Variants in HERC1 observed in about 807,000 individuals in gnomAD.
HERC1 encodes probable E3 ubiquitin-protein ligase HERC1.
A neutral mutation model predicts 554.3 loss-of-function variants in HERC1; 160 were observed. The observed-to-expected ratio is 0.29, with a 90% CI of 0.25 to 0.33. The LOEUF is 0.33. HERC1 is among the 10% of genes least tolerant of loss of function. The pLI, the probability that HERC1 is intolerant of heterozygous loss-of-function variation, is 1.00. For missense variants in HERC1, 4,919 were observed against 5,918.5 expected (o/e 0.83, Z 5.54); for synonymous variants, 2,175 against 2,131.7 (o/e 1.02, Z -0.56).
chr15:63,663,008 T>C lies in HERC1; in HGVS notation c.8877A>G (p.Pro2959=), dbSNP rs2070435959. The C allele has an allele frequency of 1.2e-6, 2 of 1,613,992 alleles. No individual in the cohort carries two copies. The highest frequency in any genetic ancestry group is 8.5e-7 in the Non-Finnish European group (1 of 1,179,868). The change falls in exon 44 of 78, where the codon CCA becomes CCG. Residue 2959 remains proline, a synonymous_variant. Coordinates refer to ENST00000443617, the MANE Select transcript of HERC1 (RefSeq NM_003922.4). ...SDNDILGMWI[P]EVLDWPTWHV... ...CCCAGGTAGGCCAATCCAGTACCTC[T>C]GGGATCCACATTCCCAGAATATCAT...
chr15:63,756,718 T>C lies in HERC1; in HGVS notation c.1252A>G (p.Ile418Val). The C allele has an allele frequency of 1.2e-6, 2 of 1,610,928 alleles. No homozygotes were observed. Among genetic ancestry groups the C allele is most frequent in the Non-Finnish European group, 1.7e-6 (2 of 1,178,642 alleles). The change falls in exon 5 of 78, where the codon ATT becomes GTT. Residue 418 changes from isoleucine (I) to valine (V), a missense_variant. Ile to Val is a conservative substitution (Grantham distance 29, BLOSUM62 3). This residue lies in a region of HERC1 where 744 missense variants were observed against 1,090.0 expected (regional missense o/e 0.68). Coordinates refer to ENST00000443617, the MANE Select transcript of HERC1 (RefSeq NM_003922.4). The surrounding 1 kb of genome is among the most constrained non-coding windows in gnomAD (Gnocchi z 5.0). ...IEAGQYCTFV[I>V]STDGSVRACG... is the part of the protein sequence containing the mutation. ...GCTCTAACAGAGCCATCCGTAGAAA[T>C]GACAAAAGTGCAGTACTGTCCAGCT...
At chr15:63,759,230 T>C (rs572807794) in intron 3 of HERC1, among the ~76,000 whole-genome samples, 4 of 152,296 alleles carry the variant, frequency 2.6e-5, no homozygotes, top group African/African-American at 9.6e-5. Flanking sequence ...GTGCTATTAA[T>C]ACATCACCAG....
At chr15:63,714,672 C>T (rs2073465144) in intron 22 of HERC1, among the ~76,000 whole-genome samples, 1 of 151,258 alleles carries the variant, frequency 6.6e-6, no homozygotes, top group Non-Finnish European at 1.5e-5. Flanking sequence ...CCTCAGCCTC[C>T]TGAGTAGCTG....
At chr15:63,722,848 T>C (rs1012040810) in intron 19 of HERC1, among the ~76,000 whole-genome samples, 3 of 152,206 alleles carry the variant, frequency 2.0e-5, no homozygotes, top group African/African-American at 7.2e-5. Flanking sequence ...GGTACGGTAC[T>C]ACCTGTGGTT....
Position 63,749,217 on chromosome 15 carries a change from T to A in HERC1, c.2219+150A>T. 1 of 588,850 alleles carries A rather than the reference T, an allele frequency of 1.7e-6. No individual in the cohort carries two copies. Among genetic ancestry groups the A allele is most frequent in the Non-Finnish European group, 2.8e-6 (1 of 358,884 alleles). The allele number at this position is 588,850 out of a possible 1,614,324, so 36.5% of individuals were successfully genotyped here. On this transcript the variant is annotated intron_variant, in intron 10 of 77. Transcript: ENST00000443617. This position sits in a 1 kb window ranked among gnomAD's most constrained non-coding sequence, Gnocchi z 4.1. ...TCAAATAAAAAGAAATCTAATGTCA[T>A]TTCTATGATAGAGAAAAAGCAATAC...
intron 1 of HERC1, among the ~76,000 whole-genome samples, chr15:63,778,663 A>G (rs867737565): frequency 6.6e-6 from 1 of 152,224 alleles, no homozygotes; most frequent in Non-Finnish European, 1.5e-5. Context: ...GGACTTTGCT[A>G]TATTGACTGA....
chr15:63,625,076 C>T (rs1445410839), intron 71 of HERC1, among the ~76,000 whole-genome samples: 1 of 152,186 alleles, frequency 6.6e-6, no homozygotes, highest in African/African-American at 2.4e-5. Context: ...CTGCACAGGA[C>T]TCTGCTGCCT....
chr15:63,701,538 T>C (rs1178919139), intron 25 of HERC1, among the ~76,000 whole-genome samples: 1 of 152,232 alleles, frequency 6.6e-6, no homozygotes, highest in African/African-American at 2.4e-5. Context: ...TGTTGTAGTA[T>C]GAAAGCAACC....
At chr15:63,624,469 G>A in intron 71 of HERC1, 142 bp from the exon 72 acceptor site, 1 of 684,220 alleles carries the variant, frequency 1.5e-6, no homozygotes. Context: ...GGCTGTGGTG[G>A]GCGGATCGCT....
Position 63,723,280 on chromosome 15 carries a change from C to T in HERC1, c.3644G>A (p.Arg1215Gln), listed in dbSNP as rs202041791. 6.3e-6 allele frequency: 10 copies of T among 1,597,798 alleles called. No individual in the cohort carries two copies. Among genetic ancestry groups the T allele is most frequent in the African/African-American group, 2.7e-5 (2 of 74,840 alleles). Residue 1215 changes from arginine to glutamine, a missense_variant, in exon 19 of 78, where the codon CGG becomes CAG. Around this residue, in one of 11 missense-constraint regions of HERC1, gnomAD observed 1,121 missense variants for 1,244.0 expected, o/e 0.90. Coordinates refer to ENST00000443617, the MANE Select transcript of HERC1 (RefSeq NM_003922.4). The part of the protein sequence containing the change: ...EEQKPFDYKL[R>Q]PEIAVYVDLA... ...GTCTACATAGACAGCAATTTCAGGC[C>T]GCAATTTATAATCAAAAGGCTTCTG...
intron 1 of HERC1, among the ~76,000 whole-genome samples, chr15:63,828,267 T>G (rs573558548): frequency 2.0e-5 from 3 of 150,710 alleles, no homozygotes; most frequent in African/African-American, 7.3e-5. Context: ...GGGCAAGAGG[T>G]AGAAACAAAG....
At chr15:63,826,275 T>C (rs1044702199) in intron 1 of HERC1, among the ~76,000 whole-genome samples, 3 of 152,132 alleles carry the variant, frequency 2.0e-5, no homozygotes, top group Non-Finnish European at 2.9e-5. Flanking sequence ...TAAAATCTAA[T>C]AGGATTGCCC....
At chr15:63,672,735 G>T in intron 38 of HERC1, 41 bp from the exon 39 acceptor site, 1 of 1,404,394 alleles carries the variant, frequency 7.1e-7, no homozygotes, top group Non-Finnish European at 9.6e-7. Context: ...GTAAGGATTT[G>T]TTTTTTCAAA....
Position 63,686,532 on chromosome 15 carries a change from G to C in HERC1, c.6052C>G (p.Gln2018Glu). ...TCATCTTCTTCTTCCAACTCGCCCT[G>C]CTTCTACCAGAAAAGAAGCTGGGTC... is the stretch of plus-strand genomic sequence containing the variant. Reference protein sequence around the residue: ...EKEQEIKLQKQGELEEEDENL... With the variant: ...EKEQEIKLQKEGELEEEDENL... Residue 2018 changes from glutamine (Q) to glutamate (E), a missense_variant, in exon 34 of 78, where the codon CAG becomes GAG. Physicochemically the swap from Gln to Glu is conservative, Grantham distance 29 (BLOSUM62 2). Transcript: ENST00000443617. 2 of 1,610,606 alleles carry C rather than the reference G, an allele frequency of 1.2e-6. No homozygotes were observed. The highest frequency in any genetic ancestry group is 1.7e-6 in the Non-Finnish European group (2 of 1,178,794).
At chr15:63,830,343 A>G (rs1162781431) in intron 1 of HERC1, among the ~76,000 whole-genome samples, 1 of 152,240 alleles carries the variant, frequency 6.6e-6, no homozygotes, top group Admixed American at 6.5e-5. Flanking sequence ...CTTAACCTCA[A>G]TCAAATCATG....
At chr15:63,652,369 G>C (rs2069739341) in intron 52 of HERC1, 45 bp downstream of exon 52, 2 of 1,540,758 alleles carry the variant, frequency 1.3e-6, no homozygotes, top group African/African-American at 1.4e-5. Context: ...GGCATGTTTA[G>C]GATTCTCTTA....
At chr15:63,651,476 G>C in intron 52 of HERC1, 96 bp from the exon 53 acceptor site, 1 of 1,121,876 alleles carries the variant, frequency 8.9e-7, no homozygotes, top group Non-Finnish European at 1.3e-6. Context: ...ATAGACTAGA[G>C]TGTATAACTG....
intron 12 of HERC1, among the ~76,000 whole-genome samples, chr15:63,743,132 T>G (rs2074881157): frequency 6.6e-6 from 1 of 152,158 alleles, no homozygotes; most frequent in Non-Finnish European, 1.5e-5. Context: ...GAGATTTTTC[T>G]TTAAGGCCAA....
chr15:63,786,252 A>C (rs2076438678), intron 1 of HERC1, among the ~76,000 whole-genome samples: 1 of 150,320 alleles, frequency 6.7e-6, no homozygotes, highest in Non-Finnish European at 1.5e-5. Context: ...CAGGCTAGAC[A>C]ACACAGCAAG....
Sources: allele counts gnomAD v4.1 joint callset (sites outside exome capture counted in the v4.1 genomes callset), GRCh38; gene constraint gnomAD v4.1.1; regional missense constraint gnomAD v4.1.1; non-coding constraint Gnocchi (gnomAD v3.1); transcripts MANE v1.5; gene names NCBI Gene and HGNC (gene_info 2026-07-23, HGNC 2026-07-21).